Variants in STON1 observed in about 807,000 individuals in gnomAD.
The protein encoded by STON1 is stonin-1.
STON1 carries 79 observed loss-of-function variants against 60.9 expected under a neutral mutation model. That is an observed-to-expected ratio of 1.30 (90% confidence interval 1.08 to 1.56). The LOEUF is 1.56. STON1 is among the 40% of genes most tolerant of loss of function. The pLI, the probability that STON1 is intolerant of heterozygous loss-of-function variation, is 0.00. For missense variants in STON1, 1,166 were observed against 858.9 expected (o/e 1.36, Z -4.47); for synonymous variants, 363 against 306.9 (o/e 1.18, Z -1.91).
rs1281996094 is a variant in STON1, at chr2:48,591,922, T to C, written c.2133+67T>C. The C allele has an allele frequency of 7.7e-6, 12 of 1,551,460 alleles. No individual in the cohort carries two copies. The East Asian group carries it at 2.8e-4, about 36-fold the overall frequency. On this transcript the variant is annotated intron_variant, in intron 3 of 3. Transcript: ENST00000404752. ...TAAATATTTGTTTTGCTGTCTTTTG[T>C]GATCGTGTATGTGTTGTGTGTGTGT...
chr2:48,563,515 C>T (rs563097835), intron 1 of STON1, among the ~76,000 whole-genome samples: 12 of 152,296 alleles, frequency 7.9e-5, no homozygotes, highest in African/African-American at 2.9e-4. Flanking sequence ...CTGCTATAGG[C>T]ACAGAGCCAG....
intron 1 of STON1, among the ~76,000 whole-genome samples, chr2:48,558,596 A>T (rs1472832749): frequency 1.3e-5 from 2 of 152,240 alleles, no homozygotes; most frequent in South Asian, 2.1e-4. Flanking sequence ...GTATCTGCTT[A>T]CTGGGGTGAA....
intron 1 of STON1, among the ~76,000 whole-genome samples, chr2:48,558,657 C>A (rs1384051801): frequency 1.3e-5 from 2 of 149,360 alleles, no homozygotes; most frequent in African/African-American, 2.6e-5. Context: ...TGGCACATAA[C>A]TCAAATCAAC....
intron 3 of STON1, among the ~76,000 whole-genome samples, chr2:48,594,454 G>T (rs1165705303): frequency 1.3e-5 from 2 of 152,154 alleles, no homozygotes; most frequent in African/African-American, 2.4e-5. Flanking sequence ...ATTATCTGTT[G>T]CCAGATACTG....
chr2:48,534,529 G>T (rs1415711534), intron 1 of STON1, among the ~76,000 whole-genome samples: 4 of 152,174 alleles, frequency 2.6e-5, no homozygotes, highest in Admixed American at 1.3e-4. Context: ...TCATGCTTTA[G>T]TAAGAACTGA....
chr2:48,588,429 C>T (rs945553849), intron 2 of STON1, among the ~76,000 whole-genome samples: 7 of 152,190 alleles, frequency 4.6e-5, no homozygotes, highest in Admixed American at 3.9e-4. Flanking sequence ...CAGCTCACTG[C>T]AACCTCTACC....
intron 1 of STON1, among the ~76,000 whole-genome samples, chr2:48,561,109 C>T (rs1312962828): frequency 3.3e-5 from 5 of 152,200 alleles, no homozygotes; most frequent in Non-Finnish European, 5.9e-5. Flanking sequence ...CGCTGAAAGA[C>T]CTCCACTCTC....
chr2:48,560,156 G>A (rs150383720), intron 1 of STON1, among the ~76,000 whole-genome samples: 51 of 152,244 alleles, frequency 3.3e-4, no homozygotes, highest in East Asian at 9.6e-4. Context: ...AAGACCTGGC[G>A]AGATCCTTTT....
chr2:48,568,564 T>TACTGGAATCGCC (rs570165630), intron 1 of STON1, among the ~76,000 whole-genome samples: 150 of 152,198 alleles, frequency 9.9e-4, no homozygotes, highest in African/African-American at 3.5e-3. Context: ...TTACAGAGAA[T>TACTGGAATCGCC]ACTGGAATCG....
At chr2:48,569,896 C>T (rs1008975433) in intron 1 of STON1, among the ~76,000 whole-genome samples, 2 of 152,154 alleles carry the variant, frequency 1.3e-5, no homozygotes, top group Non-Finnish European at 2.9e-5. Flanking sequence ...GCATTCAAAA[C>T]ATTTTGAATT....
rs1674731263 is a variant in STON1 at position 48,595,221 on chromosome 2, A to G, written c.2134-7A>G. On this transcript the variant is annotated splice_region_variant and splice_polypyrimidine_tract_variant and intron_variant, in intron 3 of 3. Coordinates refer to ENST00000404752, the MANE Select transcript of STON1 (RefSeq NM_006873.4). ...AATGCTGCCTGTGTTTTGCTTTTGC[A>G]TAACAGGTTGAAATAGAAAAGAAGT... 5.0e-6 allele frequency: 8 copies of G among 1,612,978 alleles called. No individual in the cohort carries two copies. The highest frequency in any genetic ancestry group is 6.8e-6 in the Non-Finnish European group (8 of 1,179,028).
intron 2 of STON1, among the ~76,000 whole-genome samples, chr2:48,583,309 G>C (rs1674007271): frequency 6.6e-6 from 1 of 152,112 alleles, no homozygotes; most frequent in Non-Finnish European, 1.5e-5. Context: ...GGCTGCTCTT[G>C]AATTCCTGGG....
At position 48,595,344 on chromosome 2, in the gene STON1, G is replaced by A. The variant is rs1181202019; in HGVS notation, c.*42G>A. 2 of 1,546,732 alleles carry A rather than the reference G, an allele frequency of 1.3e-6. No individual in the cohort carries two copies. The highest frequency in any genetic ancestry group is 1.8e-6 in the Non-Finnish European group (2 of 1,120,794). Reference sequence around the variant, plus strand: ...TGATGACAGCCCACTTGTCAAATATGTAATTCACCGAAACCACACCAAGTC... The same window carrying A: ...TGATGACAGCCCACTTGTCAAATATATAATTCACCGAAACCACACCAAGTC... On this transcript the variant is annotated 3_prime_UTR_variant, in exon 4 of 4. Transcript: ENST00000404752.
At chr2:48,568,647 G>T (rs752044016) in intron 1 of STON1, among the ~76,000 whole-genome samples, 1 of 152,094 alleles carries the variant, frequency 6.6e-6, no homozygotes, top group Non-Finnish European at 1.5e-5. Context: ...CATCACTAAG[G>T]GCAGGACAGT....
intron 1 of STON1, among the ~76,000 whole-genome samples, chr2:48,551,804 A>G (rs2103790786): frequency 6.6e-6 from 1 of 152,356 alleles, no homozygotes; most frequent in South Asian, 2.1e-4. Context: ...GCCAGGGCAG[A>G]GAACCCAGGC....
intron 1 of STON1, among the ~76,000 whole-genome samples, chr2:48,534,410 G>A (rs1006595625): frequency 2.0e-5 from 3 of 152,218 alleles, no homozygotes; most frequent in African/African-American, 7.2e-5. Context: ...AATTCAGGTC[G>A]GTGGCTAAAG....
intron 3 of STON1, among the ~76,000 whole-genome samples, chr2:48,594,332 C>T (rs1674684282): frequency 6.6e-6 from 1 of 152,174 alleles, no homozygotes; most frequent in Non-Finnish European, 1.5e-5. Flanking sequence ...CAGGTTCATG[C>T]AATTTTAGTG....
At chr2:48,576,959 T>C (rs1180081080) in intron 1 of STON1, among the ~76,000 whole-genome samples, 2 of 150,642 alleles carry the variant, frequency 1.3e-5, no homozygotes, top group African/African-American at 2.4e-5. Context: ...GAGGCTGAGG[T>C]AGGAGAATGG....
At chr2:48,579,630 C>T (rs1381259890) in intron 1 of STON1, among the ~76,000 whole-genome samples, 2 of 152,242 alleles carry the variant, frequency 1.3e-5, no homozygotes, top group African/African-American at 2.4e-5. Context: ...TGTTTTGTAA[C>T]CTAACGTGAT....
Sources: allele counts gnomAD v4.1 joint callset (sites outside exome capture counted in the v4.1 genomes callset), GRCh38; gene constraint gnomAD v4.1.1; transcripts MANE v1.5; gene names NCBI Gene and HGNC (gene_info 2026-07-23, HGNC 2026-07-21).